Variants in LRP1B observed in about 807,000 individuals in gnomAD.
LRP1B encodes the protein LDL receptor related protein 1B, also known as low-density lipoprotein receptor-related protein 1B.
LRP1B carries 217 observed loss-of-function variants against 556.6 expected under a neutral mutation model. That is an observed-to-expected ratio of 0.39 (90% CI 0.35 to 0.44). The LOEUF (loss-of-function observed/expected upper bound fraction) is 0.44. Among genes scored for constraint, LRP1B ranks in the 20% least tolerant of loss-of-function variants. LRP1B has a pLI of 1.00. For synonymous variants in LRP1B, 2,047 were observed against 1,865.8 expected (o/e 1.10, Z -2.50); for missense variants, 5,053 against 5,620.8 (o/e 0.90, Z 3.23).
chr2:140,331,875 T>G (rs1292430743), intron 79 of LRP1B, among the ~76,000 whole-genome samples: 1 of 151,884 alleles, frequency 6.6e-6, no homozygotes, highest in African/African-American at 2.4e-5. Flanking sequence ...TTTTGTATTT[T>G]TAGTAGAGGC....
At chr2:141,518,879 G>T (rs1684424011) in intron 2 of LRP1B, among the ~76,000 whole-genome samples, 1 of 152,142 alleles carries the variant, frequency 6.6e-6, no homozygotes, top group Non-Finnish European at 1.5e-5. Context: ...GAACCTGGGA[G>T]GCGGAGGCTG....
chr2:140,578,759 TAAAA>T (rs545410186), intron 43 of LRP1B, among the ~76,000 whole-genome samples: 2 of 151,876 alleles, frequency 1.3e-5, no homozygotes. Flanking sequence ...ATAAAATAAA[TAAAA>T]AAAATCAATC....
Position 140,951,866 on chromosome 2 carries a change from C to T in LRP1B, c.2962G>A (p.Asp988Asn), listed in dbSNP as rs765154903. 2.5e-6 allele frequency: 4 copies of T among 1,612,762 alleles called. No homozygotes were observed. Among genetic ancestry groups the T allele is most frequent in the South Asian group, 2.2e-5 (2 of 91,044 alleles). Residue 988 changes from aspartate (D) to asparagine (N), a missense_variant, in exon 19 of 91, where the codon GAC (aspartate) becomes AAC (asparagine). By Grantham distance (23) the Asp-to-Asn change is conservative. Around this residue, in one of 5 missense-constraint regions of LRP1B, gnomAD observed 3,619 missense variants for 3,931.9 expected, o/e 0.92. Coordinates refer to ENST00000389484, the MANE Select transcript of LRP1B (RefSeq NM_018557.3). Reference protein sequence around the residue: ...GRCISSKWHCDSDDDCGDGSD... With the variant: ...GRCISSKWHCNSDDDCGDGSD... ...GTGAGCATTTGGTACTTGCCAGAGT[C>T]GCAGTGCCATTTGCTGCTAATGCAT... is the stretch of plus-strand genomic sequence containing the variant.
chr2:140,991,096 G>T (rs1697079818), intron 16 of LRP1B, among the ~76,000 whole-genome samples: 1 of 152,060 alleles, frequency 6.6e-6, no homozygotes, highest in Non-Finnish European at 1.5e-5. Context: ...TGGTATTTGA[G>T]CATGATTTAC....
At position 140,703,135 on chromosome 2, in the gene LRP1B, T is replaced by C. The variant is rs182065224; in HGVS notation, c.6024-582A>G. Among the ~76,000 whole-genome samples the C allele has an allele frequency of 9.0e-3, 1,373 of 152,290 alleles. 8 individuals are homozygous for C. Among genetic ancestry groups the C allele is most frequent in the Middle Eastern group, 0.034 (10 of 294 alleles). ...TATAGACATGAATGCATCATAACTT[T>C]CTATTTTTTCTACTTAGACTGCTAA... On this transcript the variant is annotated intron_variant, in intron 37 of 90. Transcript: ENST00000389484.
intron 7 of LRP1B, among the ~76,000 whole-genome samples, chr2:141,131,407 T>TTATATATATA (rs67661603): frequency 0.039 from 4,300 of 110,552 alleles, 181 homozygotes; most frequent in Middle Eastern, 0.067. Flanking sequence ...ATGCATAAAG[T>TTATATATATA]TATATATATA....
Position 141,953,150 on chromosome 2 carries a change from G to A in LRP1B, c.83-142749C>T, listed in dbSNP as rs373504892. Among the ~76,000 whole-genome samples, 17 of 152,098 alleles carry A rather than the reference G, an allele frequency of 1.1e-4. No individual in the cohort carries two copies. The East Asian group carries it at 2.7e-3, about 24-fold the overall frequency. ...TACATATCATTAGATGGTTCTTCAT[G>A]AATAAGCATTTTGAGTGTGTGAGAA... On this transcript the variant is annotated intron_variant, in intron 1 of 90. Coordinates refer to ENST00000389484, the MANE Select transcript of LRP1B (RefSeq NM_018557.3).
intron 14 of LRP1B, among the ~76,000 whole-genome samples, chr2:141,011,614 A>G (rs1697752478): frequency 6.6e-6 from 1 of 152,080 alleles, no homozygotes; most frequent in Non-Finnish European, 1.5e-5. Flanking sequence ...GTTAATAAAA[A>G]TTATCAATCA....
At chr2:140,547,581 A>C (rs190551410) in intron 43 of LRP1B, among the ~76,000 whole-genome samples, 2 of 151,824 alleles carry the variant, frequency 1.3e-5, no homozygotes, top group Non-Finnish European at 2.9e-5. Context: ...TATCTAGTTT[A>C]TTAATTTTTT....
At chr2:141,125,851 A>AAC (rs1558878105) in intron 7 of LRP1B, among the ~76,000 whole-genome samples, 1 of 147,860 alleles carries the variant, frequency 6.8e-6, no homozygotes, top group Non-Finnish European at 1.5e-5. Context: ...ATGCAAAAAA[A>AAC]AAAAAAAAAA....
rs749245494 is a variant in LRP1B, at chr2:140,739,519, G to A, written c.5759-22703C>T. 2.6e-5 allele frequency among the ~76,000 whole-genome samples: 4 copies of A among 152,142 alleles called. No homozygotes were observed. The South Asian group carries it at 8.3e-4, about 32-fold the overall frequency. On this transcript the variant is annotated intron_variant, in intron 35 of 90. Transcript: ENST00000389484. The stretch of plus-strand genomic sequence containing the variant: ...AGTTTCCATTTCAGTCTACCTCCCT[G>A]GTACATGAGATTTTAAAAGTACATG...
chr2:141,783,366 T>C (rs1254000695), intron 2 of LRP1B, among the ~76,000 whole-genome samples: 1 of 152,038 alleles, frequency 6.6e-6, no homozygotes, highest in African/African-American at 2.4e-5. Context: ...AATTCAATAG[T>C]AATATAATCT....
At chr2:141,697,739 A>G (rs902099214) in intron 2 of LRP1B, among the ~76,000 whole-genome samples, 3 of 151,896 alleles carry the variant, frequency 2.0e-5, no homozygotes, top group Non-Finnish European at 4.4e-5. Context: ...AGACTACAGA[A>G]CTACAGATTT....
chr2:140,683,912 C>T (rs112362832), intron 41 of LRP1B: 29,859 of 466,704 alleles, frequency 0.064, 1,261 homozygotes, highest in South Asian at 0.11. Context: ...GGGCTGCCCG[C>T]GGCTTGCCCC....
intron 7 of LRP1B, among the ~76,000 whole-genome samples, chr2:141,169,800 C>CAAAAAAAAAAAAAAA: frequency 1.1e-5 from 1 of 87,392 alleles, no homozygotes; most frequent in Non-Finnish European, 2.4e-5. Flanking sequence ...ACACCTTAAC[C>CAAAAAAAAAAAAAAA]AAAAAAAAAA....
At chr2:140,865,955 C>T (rs572840520) in intron 27 of LRP1B, among the ~76,000 whole-genome samples, 1 of 152,064 alleles carries the variant, frequency 6.6e-6, no homozygotes, top group African/African-American at 2.4e-5. Flanking sequence ...TATGAATTTA[C>T]TAAGGGTCAT....
chr2:141,772,438 G>A (rs1244224184), intron 2 of LRP1B, among the ~76,000 whole-genome samples: 1 of 152,088 alleles, frequency 6.6e-6, no homozygotes, highest in African/African-American at 2.4e-5. Flanking sequence ...TATTCCCAAA[G>A]TGTGGCATTC....
intron 41 of LRP1B, among the ~76,000 whole-genome samples, chr2:140,619,967 T>C (rs1203028825): frequency 3.9e-5 from 6 of 152,192 alleles, no homozygotes; most frequent in Non-Finnish European, 8.8e-5. Flanking sequence ...CATCATATTT[T>C]TTCTATAAAT....
intron 11 of LRP1B, among the ~76,000 whole-genome samples, chr2:141,047,869 C>G (rs1023854382): frequency 6.6e-6 from 1 of 152,058 alleles, no homozygotes; most frequent in Non-Finnish European, 1.5e-5. Context: ...CCATTAAGAT[C>G]TAGTCCAAAC....
Sources: allele counts gnomAD v4.1 joint callset (sites outside exome capture counted in the v4.1 genomes callset), GRCh38; gene constraint gnomAD v4.1.1; regional missense constraint gnomAD v4.1.1; transcripts MANE v1.5; gene names NCBI Gene and HGNC (gene_info 2026-07-23, HGNC 2026-07-21).